ABL1: variants seen among roughly 807,000 people sequenced by gnomAD.
ABL1 encodes ABL proto-oncogene 1, non-receptor tyrosine kinase, also known as tyrosine-protein kinase ABL1.
A neutral mutation model predicts 94.7 loss-of-function variants in ABL1; 11 were observed. The ratio of observed to expected loss-of-function variants is 0.12; its 90% confidence interval spans 0.07 to 0.19. The LOEUF (loss-of-function observed/expected upper bound fraction) is 0.19. Among genes scored for constraint, ABL1 ranks in the 10% least tolerant of loss-of-function variants. ABL1 has a pLI of 1.00. For missense variants in ABL1, 1,082 were observed against 1,489.4 expected (o/e 0.73, Z 4.50); for synonymous variants, 656 against 622.4 (o/e 1.05, Z -0.80).
At chr9:130,875,740 C>T (rs892142374) in intron 7 of ABL1, among the ~76,000 whole-genome samples, 1 of 152,112 alleles carries the variant, frequency 6.6e-6, no homozygotes, top group Non-Finnish European at 1.5e-5. Flanking sequence ...AAGAGTGGAT[C>T]AGGGGAGATG....
At chr9:130,724,131 A>G (rs569389547) in intron 1 of ABL1, among the ~76,000 whole-genome samples, 2 of 152,174 alleles carry the variant, frequency 1.3e-5, no homozygotes, top group African/African-American at 2.4e-5. Flanking sequence ...TTTTTAAGAG[A>G]TAAGGTCTTG....
At position 130,885,827 on chromosome 9, in the gene ABL1, C is replaced by A. The variant is rs1831572044; in HGVS notation, c.*144C>A. The A allele has an allele frequency of 9.0e-7, 1 of 1,116,262 alleles. No homozygotes were observed. The allele number at this position is 1,116,262 out of a possible 1,614,324, so 69.1% of individuals were successfully genotyped here. On this transcript the variant is annotated 3_prime_UTR_variant, in exon 11 of 11. Coordinates refer to ENST00000318560, the MANE Select transcript of ABL1 (RefSeq NM_005157.6). ...TCTGCGCCAGGCAGAGCTGAGGGCCCTGTGGAGTCCAGCTCTACTACCTAC... is the reference window on the plus strand; with the variant it reads ...TCTGCGCCAGGCAGAGCTGAGGGCCATGTGGAGTCCAGCTCTACTACCTAC...
chr9:130,780,018 G>C (rs1829734884), intron 1 of ABL1, among the ~76,000 whole-genome samples: 1 of 152,216 alleles, frequency 6.6e-6, no homozygotes, highest in African/African-American at 2.4e-5. Context: ...GGGCGCGGTG[G>C]CTCACGCCTG....
In ABL1 at chr9:130,715,176, C is replaced by T. The variant is rs150054533; in HGVS notation, c.136+721C>T. Among the ~76,000 whole-genome samples, 151 of 152,324 alleles carry T rather than the reference C, an allele frequency of 9.9e-4. 2 individuals are homozygous for T. The highest frequency in any genetic ancestry group is 3.5e-3 in the African/African-American group (146 of 41,570). Reference sequence around the variant, plus strand: ...TATGAACATATTTGGCATTTGAATGCTGCCCGTACATTTTATGTTGTTCAT... The same window carrying T: ...TATGAACATATTTGGCATTTGAATGTTGCCCGTACATTTTATGTTGTTCAT... On this transcript the variant is annotated intron_variant, in intron 1 of 10. Coordinates refer to the ABL1 transcript ENST00000372348.
chr9:130,747,679 C>A (rs1001949230), intron 1 of ABL1, among the ~76,000 whole-genome samples: 1 of 152,160 alleles, frequency 6.6e-6, no homozygotes, highest in African/African-American at 2.4e-5. Context: ...TCCCAAAGTG[C>A]TGGGATTACA....
chr9:130,776,101 T>C (rs1832307362), intron 1 of ABL1, among the ~76,000 whole-genome samples: 1 of 152,168 alleles, frequency 6.6e-6, no homozygotes. Flanking sequence ...AAAGGAAGAA[T>C]GTCTGCAATG....
chr9:130,864,194 G>A (rs1477410082), intron 4 of ABL1, among the ~76,000 whole-genome samples: 1 of 152,174 alleles, frequency 6.6e-6, no homozygotes, highest in African/African-American at 2.4e-5. Context: ...CACTGGGGTG[G>A]GGGCATGGTT....
chr9:130,841,947 A>G (rs916832542), intron 1 of ABL1, among the ~76,000 whole-genome samples: 1 of 148,302 alleles, frequency 6.7e-6, no homozygotes, highest in Non-Finnish European at 1.5e-5. Context: ...AGAGAGAGAG[A>G]GAGGGAGGGA....
At chr9:130,735,319 T>C (rs1454227468) in intron 1 of ABL1, among the ~76,000 whole-genome samples, 1 of 152,204 alleles carries the variant, frequency 6.6e-6, no homozygotes, top group Non-Finnish European at 1.5e-5. Context: ...TATGAGCCAC[T>C]GTGCTAGGCC....
intron 1 of ABL1, among the ~76,000 whole-genome samples, chr9:130,839,791 T>C (rs897740676): frequency 6.6e-6 from 1 of 152,216 alleles, no homozygotes; most frequent in East Asian, 1.9e-4. Context: ...GTTTGTGTTA[T>C]GTTGATACGA....
chr9:130,759,285 C>T (rs1322317513), intron 1 of ABL1, among the ~76,000 whole-genome samples: 4 of 152,120 alleles, frequency 2.6e-5, no homozygotes, highest in Admixed American at 6.6e-5. Context: ...CCCAACTGGT[C>T]GTTGTCAACT....
intron 1 of ABL1, among the ~76,000 whole-genome samples, chr9:130,761,973 G>A (rs975697821): frequency 5.3e-5 from 8 of 151,838 alleles, no homozygotes; most frequent in Admixed American, 3.9e-4. Flanking sequence ...GGAAACCCCC[G>A]TCTCTACTAA....
At chr9:130,844,668 G>T (rs1830733518) in intron 1 of ABL1, among the ~76,000 whole-genome samples, 1 of 152,132 alleles carries the variant, frequency 6.6e-6, no homozygotes, top group Non-Finnish European at 1.5e-5. Flanking sequence ...GGGCATGGTG[G>T]TAGGCGCCTG....
chr9:130,807,697 T>G (rs1830146136), intron 1 of ABL1, among the ~76,000 whole-genome samples: 5 of 95,120 alleles, frequency 5.3e-5, no homozygotes, highest in South Asian at 6.8e-4. Flanking sequence ...TATATATAGT[T>G]TTTTTTTTTT....
intron 1 of ABL1, among the ~76,000 whole-genome samples, chr9:130,796,736 CA>C (rs1433859558): frequency 1.3e-5 from 2 of 150,556 alleles, no homozygotes; most frequent in Non-Finnish European, 3.0e-5. Context: ...AATAAATAAA[CA>C]AAAAACAATG....
In ABL1 at chr9:130,798,966, C is replaced by CAAAAAAAAA. The variant is rs71389357; in HGVS notation, c.137-55088_137-55080dup. Among the ~76,000 whole-genome samples the CAAAAAAAAA allele has an allele frequency of 8.3e-3, 556 of 66,742 alleles. 31 individuals are homozygous for CAAAAAAAAA. The highest frequency in any genetic ancestry group is 0.026 in the African/African-American group (476 of 18,312). 43.8% of individuals were successfully genotyped at this position (66,742 alleles called of 152,430 possible). A position where few individuals can be genotyped will look rare whatever the true frequency, so the allele number is the denominator to read the frequency against. On this transcript the variant is annotated intron_variant, in intron 1 of 10. Transcript: ENST00000372348. ...AGCCTGGGTGGCAGAGACTCCGTCT[C>CAAAAAAAAA]AAAAAAAAAAAAAAAAAAGAATTGG... is the stretch of plus-strand genomic sequence containing the variant.
rs183628540 is a variant in ABL1, at chr9:130,852,937, G to A, written c.80-1127G>A. Among the ~76,000 whole-genome samples, 9 of 139,712 alleles carry A rather than the reference G, an allele frequency of 6.4e-5. No homozygotes were observed. The East Asian group carries it at 1.3e-3, about 21-fold the overall frequency. 91.7% of individuals were successfully genotyped at this position (139,712 alleles called of 152,430 possible). ...CAAGAAAGCTGGAAGGACGGGTGGGGTGTGTTAATAGCCTTGTCTTGTGAA... is the reference window on the plus strand; with the variant it reads ...CAAGAAAGCTGGAAGGACGGGTGGGATGTGTTAATAGCCTTGTCTTGTGAA... On this transcript the variant is annotated intron_variant, in intron 1 of 10. Coordinates refer to ENST00000318560, the MANE Select transcript of ABL1 (RefSeq NM_005157.6).
intron 4 of ABL1, among the ~76,000 whole-genome samples, chr9:130,864,759 G>A (rs1172444103): frequency 6.6e-6 from 1 of 152,148 alleles, no homozygotes; most frequent in African/African-American, 2.4e-5. Flanking sequence ...AGCTGTGCAG[G>A]TGCCCCAGCT....
At chr9:130,763,688 C>T (rs1832145648) in intron 1 of ABL1, among the ~76,000 whole-genome samples, 1 of 152,196 alleles carries the variant, frequency 6.6e-6, no homozygotes, top group Non-Finnish European at 1.5e-5. Context: ...TCTTGCGTGT[C>T]CTCACAACAT....
Sources: gnomAD v4.1 joint callset for allele counts (sites outside exome capture counted in the v4.1 genomes callset) on GRCh38, gnomAD v4.1.1 for gene constraint, MANE v1.5 for transcripts, NCBI Gene and HGNC (gene_info 2026-07-23, HGNC 2026-07-21) for gene names.